LGSN: variants seen among roughly 807,000 people sequenced by gnomAD.
LGSN encodes the protein lengsin.
LGSN carries 21 observed loss-of-function variants against 19.5 expected under a neutral mutation model. That is an observed-to-expected ratio of 1.07 (90% CI 0.76 to 1.55). The LOEUF (loss-of-function observed/expected upper bound fraction) is 1.55. Ranked by LOEUF, LGSN falls within the 40% of genes most tolerant of loss-of-function variation. The pLI, the probability that LGSN is intolerant of heterozygous loss-of-function variation, is 0.00. For synonymous variants in LGSN, 257 were observed against 215.6 expected (o/e 1.19, Z -1.68); for missense variants, 673 against 608.5 (o/e 1.11, Z -1.12).
chr6:63,389,884 T>C, the LGSN span, among the ~76,000 whole-genome samples: 3 of 152,184 alleles, frequency 2.0e-5, no homozygotes, highest in African/African-American at 7.2e-5. Context: ...ATTAAGTGCA[T>C]TAATGTACAT....
the LGSN span, chr6:63,548,760 A>G: frequency 1.3e-5 from 9 of 702,520 alleles, no homozygotes; most frequent in Admixed American, 2.0e-5. Flanking sequence ...GAGCTTGCCA[A>G]TGCAAGCCAC....
chr6:63,529,740 A>G, the LGSN span, among the ~76,000 whole-genome samples: 1 of 152,168 alleles, frequency 6.6e-6, no homozygotes, highest in Non-Finnish European at 1.5e-5. Context: ...ACAGTTCATC[A>G]TCCTATCAGC....
At chr6:63,495,457 T>TC in the LGSN span, among the ~76,000 whole-genome samples, 79 of 78,952 alleles carry the variant, frequency 1.0e-3, 1 homozygote, top group African/African-American at 5.8e-3. Context: ...TTTCTTTTTC[T>TC]TTTTTTTTTT....
the LGSN span, among the ~76,000 whole-genome samples, chr6:63,505,622 A>AAATAAAT: frequency 7.8e-6 from 1 of 128,682 alleles, no homozygotes; most frequent in Non-Finnish European, 1.6e-5. Context: ...AGAAAGAAAG[A>AAATAAAT]AAGAAAGAAA....
the LGSN span, among the ~76,000 whole-genome samples, chr6:63,480,942 T>TAG: frequency 9.9e-5 from 3 of 30,336 alleles, no homozygotes; most frequent in African/African-American, 3.0e-4. Context: ...AAGAAAATGA[T>TAG]ATATATATAT....
chr6:63,360,668 C>T, the LGSN span, among the ~76,000 whole-genome samples: 19 of 152,366 alleles, frequency 1.2e-4, no homozygotes, highest in Admixed American at 1.0e-3. Context: ...CAAAGTCATT[C>T]TCCGTCCAGC....
chr6:63,486,230 T>A, the LGSN span, among the ~76,000 whole-genome samples: 1 of 152,182 alleles, frequency 6.6e-6, no homozygotes, highest in African/African-American at 2.4e-5. Flanking sequence ...TTTACTAATA[T>A]CTCTCACATG....
At chr6:63,299,040 T>G (rs1768089383) in intron 1 of LGSN, among the ~76,000 whole-genome samples, 1 of 152,234 alleles carries the variant, frequency 6.6e-6, no homozygotes, top group Admixed American at 6.5e-5. Context: ...TAGGCTTTTT[T>G]CTTTTTCAGA....
At chr6:63,281,967 T>A (rs1253783372) in intron 3 of LGSN, among the ~76,000 whole-genome samples, 2 of 152,202 alleles carry the variant, frequency 1.3e-5, no homozygotes, top group East Asian at 3.8e-4. Context: ...TCCTAGCTCT[T>A]TCGTTAATTG....
chr6:63,292,449 G>T (rs2127386916), intron 2 of LGSN, among the ~76,000 whole-genome samples: 2 of 152,206 alleles, frequency 1.3e-5, no homozygotes, highest in East Asian at 3.8e-4. Flanking sequence ...TGTCTTGCCT[G>T]ACAAGAGTGT....
chr6:63,408,216 C>A, the LGSN span, among the ~76,000 whole-genome samples: 1 of 151,954 alleles, frequency 6.6e-6, no homozygotes, highest in South Asian at 2.1e-4. Context: ...GAGCCCACAT[C>A]GCCAAGTCAA....
chr6:63,453,784 G>A, the LGSN span, among the ~76,000 whole-genome samples: 7 of 152,028 alleles, frequency 4.6e-5, no homozygotes, highest in Non-Finnish European at 7.4e-5. Context: ...CTCCCAAGTA[G>A]CTGGAACTAC....
chr6:63,299,608 T>C (rs938401515), intron 1 of LGSN, among the ~76,000 whole-genome samples: 5 of 152,310 alleles, frequency 3.3e-5, no homozygotes, highest in East Asian at 3.9e-4. Context: ...ATAGTCTGAA[T>C]TGGGGGAAAG....
At chr6:63,362,308 G>A in the LGSN span, among the ~76,000 whole-genome samples, 3 of 152,184 alleles carry the variant, frequency 2.0e-5, no homozygotes, top group East Asian at 1.9e-4. Flanking sequence ...CACAGAAGAC[G>A]GGTGATTTCT....
chr6:63,505,568 AG>A, the LGSN span, among the ~76,000 whole-genome samples: 2 of 32,298 alleles, frequency 6.2e-5, no homozygotes, highest in Non-Finnish European at 1.6e-4. Flanking sequence ...AAAAAAAAAA[AG>A]AAAGAAAGAA....
chr6:63,482,847 C>T, the LGSN span, among the ~76,000 whole-genome samples: 30 of 152,040 alleles, frequency 2.0e-4, no homozygotes, highest in Non-Finnish European at 2.6e-4. Flanking sequence ...ACTATAGGCG[C>T]GCACCACCAT....
At chr6:63,294,834 A>G in intron 2 of LGSN, 79 bp downstream of exon 2, 1 of 1,388,812 alleles carries the variant, frequency 7.2e-7, no homozygotes, top group Non-Finnish European at 1.0e-6. Context: ...AAAGAAATGA[A>G]GATGTTTTAT....
At chr6:63,438,845 C>T in the LGSN span, among the ~76,000 whole-genome samples, 5 of 152,088 alleles carry the variant, frequency 3.3e-5, no homozygotes, top group African/African-American at 1.2e-4. Context: ...CTAGCCATCC[C>T]ATTACTGGGT....
At chr6:63,406,859 C>A in the LGSN span, among the ~76,000 whole-genome samples, 1 of 152,052 alleles carries the variant, frequency 6.6e-6, no homozygotes, top group African/African-American at 2.4e-5. Flanking sequence ...CACCACCGAT[C>A]TCACAGAAAT....
Sources: allele counts gnomAD v4.1 joint callset (sites outside exome capture counted in the v4.1 genomes callset), GRCh38; gene constraint gnomAD v4.1.1; transcripts MANE v1.5; gene names NCBI Gene and HGNC (gene_info 2026-07-23, HGNC 2026-07-21).